Variants in MYZAP observed in about 807,000 individuals in gnomAD.
MYZAP encodes the protein myocardial zonula adherens protein.
MYZAP carries 66 observed loss-of-function variants against 69.4 expected under a neutral mutation model. That is an observed-to-expected ratio of 0.95 (90% CI 0.78 to 1.17). The LOEUF is 1.17. Ranked by LOEUF, MYZAP falls within the 50% of genes most tolerant of loss-of-function variation. The pLI is 0.00. For synonymous variants in MYZAP, 256 were observed against 205.9 expected, an observed-to-expected ratio of 1.24 and a Z score of -2.09; for missense variants, 611 against 556.2, an observed-to-expected ratio of 1.10 and a Z score of -0.99.
chr15:57,639,606 A>G, intron 10 of MYZAP, 61 bp downstream of exon 10: 2 of 1,561,442 alleles, frequency 1.3e-6, no homozygotes, highest in South Asian at 1.2e-5. Flanking sequence ...AAGCATCCCC[A>G]GAACAAGTCT....
At chr15:57,610,818 T>TCCA (rs1567204369) in intron 2 of MYZAP, among the ~76,000 whole-genome samples, 1 of 152,144 alleles carries the variant, frequency 6.6e-6, no homozygotes, top group African/African-American at 2.4e-5. Flanking sequence ...CTGGGAATAG[T>TCCA]GTCTGAAAAC....
intron 2 of MYZAP, among the ~76,000 whole-genome samples, chr15:57,605,369 A>G (rs1172470140): frequency 6.6e-6 from 1 of 152,232 alleles, no homozygotes; most frequent in African/African-American, 2.4e-5. Flanking sequence ...TTATATGATT[A>G]TAAAGTAAAA....
intron 9 of MYZAP, among the ~76,000 whole-genome samples, 196 bp downstream of exon 9, chr15:57,637,970 A>T (rs1337371626): frequency 6.6e-6 from 1 of 152,200 alleles, no homozygotes; most frequent in East Asian, 1.9e-4. Flanking sequence ...CCTGCAGATC[A>T]TGGCTGGTTG....
At chr15:57,592,260 G>T (rs1173701074) in intron 1 of MYZAP, 151 bp downstream of exon 1, 2 of 675,318 alleles carry the variant, frequency 3.0e-6, no homozygotes, top group African/African-American at 1.9e-5. Context: ...GCCGGCTCTG[G>T]CAGTGACCCT....
chr15:57,668,084 A>G (rs2038675820), intron 11 of MYZAP, among the ~76,000 whole-genome samples: 2 of 151,964 alleles, frequency 1.3e-5, no homozygotes, highest in African/African-American at 4.8e-5. Flanking sequence ...AGCTTCTTTC[A>G]CTCAGCATAA....
intron 6 of MYZAP, among the ~76,000 whole-genome samples, 163 bp from the exon 7 acceptor site, chr15:57,632,271 C>G (rs2036550107): frequency 2.0e-5 from 3 of 152,220 alleles, no homozygotes; most frequent in Non-Finnish European, 2.9e-5. Context: ...CTGCTCACCC[C>G]TCTTCCTCCC....
At chr15:57,626,262 G>A (rs748120136) in intron 5 of MYZAP, among the ~76,000 whole-genome samples, 1 of 152,044 alleles carries the variant, frequency 6.6e-6, no homozygotes, top group Non-Finnish European at 1.5e-5. Context: ...GAATAACACA[G>A]ACTTCACTAA....
At chr15:57,595,629 T>C (rs1380973414) in intron 1 of MYZAP, among the ~76,000 whole-genome samples, 4 of 152,120 alleles carry the variant, frequency 2.6e-5, no homozygotes, top group African/African-American at 9.7e-5. Context: ...CCGAGTATTT[T>C]TGGCTAAGCT....
intron 2 of MYZAP, 131 bp downstream of exon 2, chr15:57,604,486 A>C: frequency 2.3e-6 from 2 of 872,260 alleles, no homozygotes; most frequent in Non-Finnish European, 1.7e-6. Context: ...GGCCCTCTCA[A>C]CCTTCCCACC....
chr15:57,673,882 A>G (rs567668199), intron 11 of MYZAP, among the ~76,000 whole-genome samples: 1 of 152,332 alleles, frequency 6.6e-6, no homozygotes, highest in South Asian at 2.1e-4. Flanking sequence ...AAAGAAGAAA[A>G]GAACAAATGG....
chr15:57,605,291 T>G lies in MYZAP; in HGVS notation c.162+936T>G, dbSNP rs564370113. On this transcript the variant is annotated intron_variant, in intron 2 of 12. Transcript: ENST00000267853. ...GAGGTTAGGAGGTGGTAAGTGCTGA[T>G]GGAGACAAAGTAAAAGAAGGGGTAG... Among the ~76,000 whole-genome samples, 472 of 152,268 alleles carry G rather than the reference T, an allele frequency of 3.1e-3. 4 individuals are homozygous for G. The highest frequency in any genetic ancestry group is 5.6e-3 in the Admixed American group (85 of 15,300).
At chr15:57,593,344 G>T (rs2033849245) in intron 1 of MYZAP, among the ~76,000 whole-genome samples, 1 of 152,128 alleles carries the variant, frequency 6.6e-6, no homozygotes, top group Non-Finnish European at 1.5e-5. Flanking sequence ...CTTACTCTAA[G>T]TTGGGTGTTT....
chr15:57,618,295 T>A, intron 3 of MYZAP, 107 bp downstream of exon 3: 1 of 1,474,188 alleles, frequency 6.8e-7, no homozygotes, highest in South Asian at 1.4e-5. Flanking sequence ...TTTGAAAGAA[T>A]TCTTAGTGTT....
chr15:57,637,276 A>G (rs1185430855), intron 8 of MYZAP, among the ~76,000 whole-genome samples: 1 of 152,246 alleles, frequency 6.6e-6, no homozygotes, highest in Non-Finnish European at 1.5e-5. Context: ...AAGTGAATAC[A>G]CCTGTGTAAA....
intron 12 of MYZAP, among the ~76,000 whole-genome samples, chr15:57,677,724 T>G (rs866877585): frequency 6.6e-6 from 1 of 152,218 alleles, no homozygotes; most frequent in Non-Finnish European, 1.5e-5. Context: ...AATTCACCAG[T>G]GTGGAACAGT....
intron 7 of MYZAP, among the ~76,000 whole-genome samples, chr15:57,633,269 G>C (rs1164282534): frequency 6.6e-6 from 1 of 152,168 alleles, no homozygotes; most frequent in Non-Finnish European, 1.5e-5. Flanking sequence ...TCCAGATCTG[G>C]TTCTAATTCC....
intron 1 of MYZAP, among the ~76,000 whole-genome samples, chr15:57,596,380 A>G (rs1353196293): frequency 2.6e-5 from 4 of 152,214 alleles, no homozygotes; most frequent in Non-Finnish European, 4.4e-5. Flanking sequence ...CTGTGGGCCC[A>G]GGGCTGACTA....
chr15:57,635,750 G>T (rs1442500642), intron 8 of MYZAP, among the ~76,000 whole-genome samples: 1 of 152,242 alleles, frequency 6.6e-6, no homozygotes, highest in Non-Finnish European at 1.5e-5. Flanking sequence ...TACGTGAACG[G>T]CATGTCCTAG....
intron 4 of MYZAP, among the ~76,000 whole-genome samples, chr15:57,622,512 G>A (rs2035879521): frequency 6.6e-6 from 1 of 152,052 alleles, no homozygotes; most frequent in African/African-American, 2.4e-5. Context: ...TTAAAAGAAA[G>A]TGAAAAAGCC....
Sources: allele counts gnomAD v4.1 joint callset (sites outside exome capture counted in the v4.1 genomes callset), GRCh38; gene constraint gnomAD v4.1.1; transcripts MANE v1.5; gene names NCBI Gene and HGNC (gene_info 2026-07-23, HGNC 2026-07-21).